TNFAIP8: variants seen among roughly 807,000 people sequenced by gnomAD.
TNFAIP8 encodes the protein TNF alpha induced protein 8.
Under a neutral mutation model 13.3 loss-of-function variants are expected in TNFAIP8, and 7 were observed. The ratio of observed to expected loss-of-function variants is 0.52; its 90% CI spans 0.30 to 0.99. TNFAIP8 has a LOEUF of 0.99. Among genes scored for constraint, TNFAIP8 ranks in the 50% least tolerant of loss-of-function variants. The pLI is 0.07. For synonymous variants in TNFAIP8, 94 were observed against 87.6 expected (o/e 1.07, Z -0.41); for missense variants, 258 against 236.9 (o/e 1.09, Z -0.58).
chr5:119,300,929 G>A (rs1373243028), intron 1 of TNFAIP8, among the ~76,000 whole-genome samples: 2 of 152,196 alleles, frequency 1.3e-5, no homozygotes, highest in East Asian at 3.9e-4. Context: ...GGGAGTTAAA[G>A]GCAGTGACCA....
At chr5:119,350,998 CTGTGTG>C (rs70982476) in intron 1 of TNFAIP8, among the ~76,000 whole-genome samples, 29,401 of 137,702 alleles carry the variant, frequency 0.21, 3,054 homozygotes, top group Middle Eastern at 0.23. Flanking sequence ...GGGTCTCACT[CTGTGTG>C]TGTGTGTGTG....
At chr5:119,318,747 C>T (rs1232377857) in intron 1 of TNFAIP8, among the ~76,000 whole-genome samples, 1 of 151,016 alleles carries the variant, frequency 6.6e-6, no homozygotes, top group Non-Finnish European at 1.5e-5. Flanking sequence ...TCTCATGAAC[C>T]CTTGACTCCA....
At chr5:119,275,032 CA>C (rs1252803869) in intron 1 of TNFAIP8, among the ~76,000 whole-genome samples, 1 of 127,906 alleles carries the variant, frequency 7.8e-6, no homozygotes, top group Non-Finnish European at 1.7e-5. Flanking sequence ...TTTTTTTTGG[CA>C]GTGGAAAGAG....
At chr5:119,362,516 C>G (rs1372699061) in intron 1 of TNFAIP8, among the ~76,000 whole-genome samples, 1 of 152,100 alleles carries the variant, frequency 6.6e-6, no homozygotes. Context: ...AAAATTAAGG[C>G]TAGGCACAAT....
chr5:119,284,689 A>G (rs1722657186), intron 1 of TNFAIP8, among the ~76,000 whole-genome samples: 1 of 152,084 alleles, frequency 6.6e-6, no homozygotes, highest in Admixed American at 6.6e-5. Flanking sequence ...TAGAAAAAAA[A>G]AAAAAATTCT....
chr5:119,323,580 G>A (rs1750127801), intron 1 of TNFAIP8, among the ~76,000 whole-genome samples: 1 of 152,182 alleles, frequency 6.6e-6, no homozygotes, highest in South Asian at 2.1e-4. Flanking sequence ...GTCAAAAGTT[G>A]CTGTTTTGTT....
intron 1 of TNFAIP8, among the ~76,000 whole-genome samples, chr5:119,365,849 C>T (rs1458293751): frequency 6.6e-6 from 1 of 152,170 alleles, no homozygotes; most frequent in Non-Finnish European, 1.5e-5. Context: ...AAGAGGAAAT[C>T]TCTCAAGAGA....
chr5:119,327,522 G>A (rs940927269), intron 1 of TNFAIP8, among the ~76,000 whole-genome samples: 6 of 152,100 alleles, frequency 3.9e-5, no homozygotes, highest in African/African-American at 1.4e-4. Context: ...GCAGTGGCGC[G>A]ATCTCTGCTC....
chr5:119,312,627 G>A (rs540818384), intron 1 of TNFAIP8, among the ~76,000 whole-genome samples: 3 of 151,544 alleles, frequency 2.0e-5, no homozygotes, highest in African/African-American at 4.9e-5. Context: ...AGCTGGGCTC[G>A]GTGGCTCACG....
chr5:119,356,539 T>C (rs961886626), intron 1 of TNFAIP8, among the ~76,000 whole-genome samples: 1 of 151,414 alleles, frequency 6.6e-6, no homozygotes, highest in African/African-American at 2.5e-5. Context: ...TTAGAAACGC[T>C]ATATGTTTCC....
chr5:119,299,429 G>A (rs565817568), intron 1 of TNFAIP8, among the ~76,000 whole-genome samples: 8 of 152,046 alleles, frequency 5.3e-5, no homozygotes, highest in Non-Finnish European at 7.4e-5. Context: ...GTGGATTTTC[G>A]TGAACCGCGA....
intron 1 of TNFAIP8, among the ~76,000 whole-genome samples, chr5:119,327,749 G>A (rs1054264846): frequency 5.9e-5 from 9 of 152,130 alleles, no homozygotes; most frequent in Non-Finnish European, 1.2e-4. Context: ...GTGAGCCACC[G>A]TGCCCGGCCG....
chr5:119,275,449 A>T (rs1321017347), intron 1 of TNFAIP8, among the ~76,000 whole-genome samples: 1 of 152,166 alleles, frequency 6.6e-6, no homozygotes, highest in Non-Finnish European at 1.5e-5. Flanking sequence ...ACAGCGGCGC[A>T]TGTTTGGAAG....
intron 1 of TNFAIP8, among the ~76,000 whole-genome samples, chr5:119,338,383 G>C (rs2112721923): frequency 6.6e-6 from 1 of 152,278 alleles, no homozygotes. Context: ...AGGGACCCAG[G>C]TCCTACCTTA....
intron 1 of TNFAIP8, among the ~76,000 whole-genome samples, chr5:119,305,235 C>T (rs1186595773): frequency 6.6e-6 from 1 of 152,034 alleles, no homozygotes; most frequent in Non-Finnish European, 1.5e-5. Flanking sequence ...GGCTTTCTTC[C>T]CTCAAAAATG....
chr5:119,330,365 A>ATGTCTTTTT (rs1237228008), intron 1 of TNFAIP8, among the ~76,000 whole-genome samples: 1 of 152,228 alleles, frequency 6.6e-6, no homozygotes, highest in Non-Finnish European at 1.5e-5. Flanking sequence ...TGCAGACACA[A>ATGTCTTTTT]ATGTCATCAC....
chr5:119,277,712 C>T (rs1349940051), intron 1 of TNFAIP8, among the ~76,000 whole-genome samples: 4 of 152,150 alleles, frequency 2.6e-5, no homozygotes, highest in Admixed American at 6.6e-5. Flanking sequence ...ATATCTGAGA[C>T]TGGGTAATTT....
At chr5:119,279,691 C>G (rs896644059) in intron 1 of TNFAIP8, among the ~76,000 whole-genome samples, 7 of 152,172 alleles carry the variant, frequency 4.6e-5, no homozygotes, top group African/African-American at 1.7e-4. Context: ...AAGCAGTTCT[C>G]TCGCCTCAAC....
intron 1 of TNFAIP8, among the ~76,000 whole-genome samples, chr5:119,379,373 C>G (rs1380622467): frequency 6.6e-6 from 1 of 152,156 alleles, no homozygotes; most frequent in Non-Finnish European, 1.5e-5. Context: ...GAATTTAACT[C>G]TTTCACAAGA....
Sources: allele counts gnomAD v4.1 joint callset (sites outside exome capture counted in the v4.1 genomes callset), GRCh38; gene constraint gnomAD v4.1.1; transcripts MANE v1.5; gene names NCBI Gene and HGNC (gene_info 2026-07-23, HGNC 2026-07-21).